The following DNAH17 variants were observed in gnomAD, a reference collection of about 807,000 sequenced individuals.
The protein encoded by DNAH17 is axonemal beta dynein heavy chain 17.
A neutral mutation model predicts 485.6 loss-of-function variants in DNAH17; 376 were observed. The observed-to-expected ratio is 0.77, with a 90% CI of 0.71 to 0.84. DNAH17 has a LOEUF of 0.84. Ranked by LOEUF, DNAH17 falls within the 40% of genes least tolerant of loss-of-function variation. The pLI, the probability that DNAH17 is intolerant of heterozygous loss-of-function variation, is 0.00. For synonymous variants in DNAH17, 3,031 were observed against 2,405.9 expected, an observed-to-expected ratio of 1.26 and a Z score of -7.60; for missense variants, 6,370 against 5,839.3, an observed-to-expected ratio of 1.09 and a Z score of -2.96.
chr17:78,474,648 A>G (rs1287966827), intron 54 of DNAH17, among the ~76,000 whole-genome samples: 3 of 147,654 alleles, frequency 2.0e-5, no homozygotes, highest in Admixed American at 6.8e-5. Context: ...ACTTGTGTCC[A>G]TCGAGTAGTT....
intron 62 of DNAH17, among the ~76,000 whole-genome samples, chr17:78,458,061 C>T (rs1221138241): frequency 1.3e-5 from 2 of 152,202 alleles, no homozygotes; most frequent in Non-Finnish European, 2.9e-5. Flanking sequence ...GCCTCGGCCT[C>T]CCAAACTGCT....
intron 11 of DNAH17, among the ~76,000 whole-genome samples, chr17:78,562,985 G>A (rs988289479): frequency 1.2e-4 from 19 of 152,300 alleles, no homozygotes; most frequent in South Asian, 4.1e-4. Context: ...GACCAGCTGC[G>A]GTGAGCCTGA....
At chr17:78,466,083 C>T (rs373701398) in intron 56 of DNAH17, among the ~76,000 whole-genome samples, 18 of 152,204 alleles carry the variant, frequency 1.2e-4, no homozygotes, top group East Asian at 1.2e-3. Flanking sequence ...TTGTTCTGTA[C>T]TAAGAAAACT....
intron 54 of DNAH17, chr17:78,472,734 C>T (rs1046438734): frequency 2.2e-5 from 10 of 454,674 alleles, no homozygotes; most frequent in Middle Eastern, 6.5e-4. Context: ...GCACAGCCCT[C>T]GCTGGCCCTG....
At chr17:78,568,287 C>T (rs977278872) in intron 9 of DNAH17, among the ~76,000 whole-genome samples, 11 of 152,094 alleles carry the variant, frequency 7.2e-5, no homozygotes, top group African/African-American at 1.2e-4. Flanking sequence ...GGCATTAGTC[C>T]GCGCTCTGTG....
Position 78,459,816 on chromosome 17 carries a change from C to T in DNAH17, c.9621G>A (p.Glu3207=), listed in dbSNP as rs760939539. The change falls in exon 60 of 81, where the codon GAG becomes GAA. Residue 3207 remains glutamate (E), a synonymous_variant. Coordinates refer to ENST00000389840, the MANE Select transcript of DNAH17 (RefSeq NM_173628.4). The part of the protein sequence containing the change: ...FLDSLKKFDK[E]HIPEACLKAF... ...CCTTCAGGCAGGCCTCAGGGATGTG[C>T]TCCTTGTCGAACTTCTTCAGGGAGT... 2 of 1,613,920 alleles carry T rather than the reference C, an allele frequency of 1.2e-6. No homozygotes were observed. Among genetic ancestry groups the T allele is most frequent in the African/African-American group, 1.3e-5 (1 of 74,944 alleles).
chr17:78,487,270 AG>A (rs1202169996), intron 44 of DNAH17, among the ~76,000 whole-genome samples: 1 of 152,188 alleles, frequency 6.6e-6, no homozygotes, highest in African/African-American at 2.4e-5. Context: ...ATCTGTAAAC[AG>A]GGGTGATGTT....
chr17:78,529,150 C>CA (rs1223119223), intron 22 of DNAH17, among the ~76,000 whole-genome samples: 6 of 152,148 alleles, frequency 3.9e-5, no homozygotes, highest in Admixed American at 2.6e-4. Context: ...CCACGTTGCT[C>CA]AGGCTGGTCT....
intron 15 of DNAH17, among the ~76,000 whole-genome samples, chr17:78,551,937 C>T (rs2091910898): frequency 6.7e-6 from 1 of 149,488 alleles, no homozygotes; most frequent in South Asian, 2.1e-4. Context: ...TACTCCAGCC[C>T]AGGCAACAGA....
intron 22 of DNAH17, among the ~76,000 whole-genome samples, chr17:78,528,561 G>A (rs1382519907): frequency 6.6e-6 from 1 of 152,152 alleles, no homozygotes; most frequent in Non-Finnish European, 1.5e-5. Flanking sequence ...CCCTGTCTGT[G>A]GCTGGACACA....
chr17:78,530,564 G>A lies in DNAH17; in HGVS notation c.3115-52C>T, dbSNP rs916657457. The A allele has an allele frequency of 2.6e-6, 4 of 1,560,890 alleles. No individual in the cohort carries two copies. In the African/African-American group the frequency reaches 4.0e-5, roughly 16 times the overall value. On this transcript the variant is annotated intron_variant, in intron 20 of 80. Coordinates refer to ENST00000389840, the MANE Select transcript of DNAH17 (RefSeq NM_173628.4). Reference sequence around the variant, plus strand: ...GTCATAGCCTGCAAGCCTAGGGGGGGCGTCAGCACAGGGCCTCAGTCCAGG... The same window carrying A: ...GTCATAGCCTGCAAGCCTAGGGGGGACGTCAGCACAGGGCCTCAGTCCAGG...
intron 26 of DNAH17, among the ~76,000 whole-genome samples, chr17:78,512,963 A>G (rs1275560061): frequency 6.5e-5 from 9 of 139,428 alleles, no homozygotes; most frequent in African/African-American, 1.8e-4. Context: ...AAAAAAAAAA[A>G]AGAATTAATG....
chr17:78,468,559 T>C (rs1292088609), intron 55 of DNAH17, 58 bp downstream of exon 55: 4 of 1,559,388 alleles, frequency 2.6e-6, no homozygotes, highest in East Asian at 2.3e-5. Flanking sequence ...ACCCATACCC[T>C]GTAGGCCACG....
chr17:78,429,316 A>T lies in DNAH17; in HGVS notation c.12226-16T>A. Reference sequence around the variant, plus strand: ...CCCAGGGCACCTGAGGAAGGATGACAGCGGGTAGGGGAAAGTGCCCCTGTG... The same window carrying T: ...CCCAGGGCACCTGAGGAAGGATGACTGCGGGTAGGGGAAAGTGCCCCTGTG... On this transcript the variant is annotated splice_polypyrimidine_tract_variant and intron_variant, in intron 75 of 80. Transcript: ENST00000389840. The T allele has an allele frequency of 6.2e-7, 1 of 1,610,372 alleles. No individual in the cohort carries two copies. The highest frequency in any genetic ancestry group is 8.5e-7 in the Non-Finnish European group (1 of 1,177,538).
chr17:78,447,063 C>T (rs1310746806), intron 69 of DNAH17, among the ~76,000 whole-genome samples: 1 of 152,168 alleles, frequency 6.6e-6, no homozygotes, highest in East Asian at 1.9e-4. Context: ...CTCAGCCTCC[C>T]AAGTAACTGG....
chr17:78,454,598 G>T lies in DNAH17; in HGVS notation c.10278C>A (p.Thr3426=). The change falls in exon 64 of 81, where the codon ACC becomes ACA. Residue 3426 remains threonine (T), a synonymous_variant. Coordinates refer to ENST00000389840, the MANE Select transcript of DNAH17 (RefSeq NM_173628.4). ...NQGLPSDRMS[T]ENATILGNTE... The stretch of plus-strand genomic sequence containing the variant: ...TGTTGCCCAGGATGGTGGCATTCTC[G>T]GTGGACATGCGGTCGCTGGGGAGGC... The T allele has an allele frequency of 6.2e-7, 1 of 1,612,998 alleles. No individual in the cohort carries two copies. Among genetic ancestry groups the T allele is most frequent in the Non-Finnish European group, 8.5e-7 (1 of 1,179,870 alleles).
intron 7 of DNAH17, among the ~76,000 whole-genome samples, chr17:78,569,751 G>A (rs752399153): frequency 2.6e-5 from 4 of 152,248 alleles, no homozygotes; most frequent in Non-Finnish European, 5.9e-5. Context: ...GGGGGTCGCA[G>A]ATGATGAGAG....
At chr17:78,576,104 C>A (rs2092429146) in intron 1 of DNAH17, among the ~76,000 whole-genome samples, 1 of 152,152 alleles carries the variant, frequency 6.6e-6, no homozygotes, top group African/African-American at 2.4e-5. Context: ...CTGCTCCAGA[C>A]CTGGCAGCTG....
chr17:78,460,339 T>TGTGTGCATGTGTGTGCATGC, intron 58 of DNAH17, 82 bp from the exon 59 acceptor site: 1 of 923,100 alleles, frequency 1.1e-6, no homozygotes, highest in East Asian at 2.7e-5. Flanking sequence ...TGTGTGCATG[T>TGTGTGCATGTGTGTGCATGC]GTGTGCATGT....
Sources: gnomAD v4.1 joint callset for allele counts (sites outside exome capture counted in the v4.1 genomes callset) on GRCh38, gnomAD v4.1.1 for gene constraint, MANE v1.5 for transcripts, NCBI Gene and HGNC (gene_info 2026-07-23, HGNC 2026-07-21) for gene names.